Variants in PTPRD observed in about 807,000 individuals in gnomAD.
PTPRD encodes receptor-type tyrosine-protein phosphatase delta.
PTPRD carries 34 observed loss-of-function variants against 214.5 expected under a neutral mutation model. That is an observed-to-expected ratio of 0.16 (90% confidence interval 0.12 to 0.21). PTPRD has a LOEUF of 0.21. PTPRD is among the 10% of genes least tolerant of loss of function. The probability of loss-of-function intolerance (pLI) is 1.00; values close to 1 mark genes in which losing one functional copy is unlikely to be tolerated. For synonymous variants in PTPRD, 1,128 were observed against 845.7 expected (o/e 1.33, Z -5.79); for missense variants, 2,545 against 2,398.7 (o/e 1.06, Z -1.27).
intron 11 of PTPRD, among the ~76,000 whole-genome samples, chr9:8,789,941 T>C (rs1264624368): frequency 6.6e-6 from 1 of 152,204 alleles, no homozygotes; most frequent in Non-Finnish European, 1.5e-5. Flanking sequence ...AAATGACAGA[T>C]AAATTCCACT....
At chr9:10,433,482 C>T (rs574396312) in intron 2 of PTPRD, among the ~76,000 whole-genome samples, 1 of 152,042 alleles carries the variant, frequency 6.6e-6, no homozygotes, top group African/African-American at 2.4e-5. Context: ...ATCCTCTGCT[C>T]TTTGCATTTC....
In PTPRD at chr9:9,952,531, T is replaced by A. The variant is rs545613741; in HGVS notation, c.-471-13921A>T. ...GTTCATTGCAATGGAAGATTGTTTC[T>A]CACTCGTTCTGACAATCAAATTAGT... On this transcript the variant is annotated intron_variant, in intron 4 of 45. Coordinates refer to ENST00000381196, the MANE Select transcript of PTPRD (RefSeq NM_002839.4). 2.6e-5 allele frequency among the ~76,000 whole-genome samples: 4 copies of A among 152,274 alleles called. No homozygotes were observed. The East Asian group carries it at 7.7e-4, about 29-fold the overall frequency.
intron 5 of PTPRD, among the ~76,000 whole-genome samples, chr9:9,798,746 G>C (rs940829172): frequency 6.6e-6 from 1 of 152,180 alleles, no homozygotes; most frequent in Non-Finnish European, 1.5e-5. Context: ...AGTAGTTGCT[G>C]AGAGCGCAGG....
chr9:9,821,529 G>A (rs1029017783), intron 5 of PTPRD, among the ~76,000 whole-genome samples: 2 of 152,154 alleles, frequency 1.3e-5, no homozygotes, highest in Non-Finnish European at 2.9e-5. Context: ...GAGAATCAGA[G>A]AGGCTGAAGA....
At chr9:9,827,089 G>C (rs985011965) in intron 5 of PTPRD, among the ~76,000 whole-genome samples, 3 of 151,640 alleles carry the variant, frequency 2.0e-5, no homozygotes, top group Non-Finnish European at 4.4e-5. Flanking sequence ...CAAGGTAATT[G>C]ACAGACTCAA....
intron 5 of PTPRD, among the ~76,000 whole-genome samples, chr9:9,787,555 G>A (rs2154493725): frequency 6.6e-6 from 1 of 151,686 alleles, no homozygotes; most frequent in South Asian, 2.1e-4. Context: ...GCAAAGGAAG[G>A]GTAAAATAAG....
At chr9:9,782,236 A>C (rs565440019) in intron 5 of PTPRD, among the ~76,000 whole-genome samples, 82 of 152,316 alleles carry the variant, frequency 5.4e-4, no homozygotes, top group African/African-American at 1.9e-3. Context: ...TCAGTATCTC[A>C]GTAAACACTC....
At chr9:8,684,836 T>A (rs1191378592) in intron 12 of PTPRD, among the ~76,000 whole-genome samples, 8 of 152,198 alleles carry the variant, frequency 5.3e-5, no homozygotes, top group African/African-American at 1.9e-4. Context: ...CCAATGAATA[T>A]TTTCATTCAA....
intron 5 of PTPRD, among the ~76,000 whole-genome samples, chr9:9,922,116 C>G (rs1240208401): frequency 6.6e-6 from 1 of 152,066 alleles, no homozygotes; most frequent in Non-Finnish European, 1.5e-5. Flanking sequence ...GTTAGCAAAT[C>G]ACTCAGAGAA....
chr9:8,887,638 G>C (rs565848702), intron 11 of PTPRD, among the ~76,000 whole-genome samples: 2 of 152,056 alleles, frequency 1.3e-5, no homozygotes, highest in Non-Finnish European at 2.9e-5. Context: ...TAAAGCTCTT[G>C]AAGTTTTGTT....
At chr9:8,428,273 G>C (rs961147246) in intron 35 of PTPRD, among the ~76,000 whole-genome samples, 1 of 152,296 alleles carries the variant, frequency 6.6e-6, no homozygotes, top group African/African-American at 2.4e-5. Flanking sequence ...ATTGGGCAAA[G>C]ACTCTCCCAC....
intron 2 of PTPRD, among the ~76,000 whole-genome samples, chr9:10,377,488 T>C (rs2097754711): frequency 1.3e-5 from 2 of 151,756 alleles, no homozygotes; most frequent in South Asian, 4.2e-4. Context: ...CCCCTTCCTG[T>C]GTCCAAGTGT....
intron 44 of PTPRD, among the ~76,000 whole-genome samples, chr9:8,330,644 C>T (rs1839425098): frequency 6.6e-6 from 1 of 152,106 alleles, no homozygotes; most frequent in South Asian, 2.1e-4. Flanking sequence ...CTAGAAGGGA[C>T]TTTAAACCTC....
chr9:8,716,752 C>A (rs750267948), intron 12 of PTPRD, among the ~76,000 whole-genome samples: 2 of 152,124 alleles, frequency 1.3e-5, no homozygotes, highest in Non-Finnish European at 2.9e-5. Context: ...TGAGATACAA[C>A]ACAAACTTTC....
intron 37 of PTPRD, among the ~76,000 whole-genome samples, chr9:8,388,220 G>A (rs10977023): frequency 0.037 from 5,597 of 151,972 alleles, 332 homozygotes; most frequent in African/African-American, 0.13. Flanking sequence ...TCATATACAC[G>A]CCCAGGCTTA....
At chr9:8,637,936 C>T (rs1402837541) in intron 12 of PTPRD, among the ~76,000 whole-genome samples, 1 of 152,028 alleles carries the variant, frequency 6.6e-6, no homozygotes, top group African/African-American at 2.4e-5. Context: ...AAAATGCACA[C>T]ACACACAAAG....
intron 5 of PTPRD, among the ~76,000 whole-genome samples, chr9:9,847,663 A>G (rs894268061): frequency 6.6e-6 from 1 of 152,140 alleles, no homozygotes; most frequent in Non-Finnish European, 1.5e-5. Flanking sequence ...TTTCTGTGGT[A>G]GCTTTCCAGG....
chr9:9,223,191 GTAAC>G (rs1451941429), intron 9 of PTPRD, among the ~76,000 whole-genome samples: 3 of 151,982 alleles, frequency 2.0e-5, no homozygotes, highest in Non-Finnish European at 2.9e-5. Context: ...GGCCCACTGA[GTAAC>G]TGAGGAATAG....
At chr9:9,066,814 A>G (rs900627234) in intron 10 of PTPRD, among the ~76,000 whole-genome samples, 25 of 152,252 alleles carry the variant, frequency 1.6e-4, no homozygotes, top group African/African-American at 6.0e-4. Flanking sequence ...TTTGCGAAGC[A>G]GTGTGATCTA....
Sources: gnomAD v4.1 joint callset for allele counts (sites outside exome capture counted in the v4.1 genomes callset) on GRCh38, gnomAD v4.1.1 for gene constraint, MANE v1.5 for transcripts, NCBI Gene and HGNC (gene_info 2026-07-23, HGNC 2026-07-21) for gene names.